SEMA3A: variants seen among roughly 807,000 people sequenced by gnomAD.
SEMA3A encodes semaphorin 3A.
Under a neutral mutation model 97.9 loss-of-function variants are expected in SEMA3A, and 29 were observed. The ratio of observed to expected loss-of-function variants is 0.30; its 90% CI spans 0.22 to 0.40. SEMA3A has a LOEUF of 0.40. Among genes scored for constraint, SEMA3A ranks in the 10% least tolerant of loss-of-function variants. SEMA3A has a pLI of 1.00. For missense variants in SEMA3A, 763 were observed against 951.3 expected (o/e 0.80, Z 2.60); for synonymous variants, 321 against 323.7 (o/e 0.99, Z 0.09).
chr7:84,274,484 G>A (rs1445057517), intron 3 of SEMA3A, among the ~76,000 whole-genome samples: 3 of 152,078 alleles, frequency 2.0e-5, no homozygotes, highest in African/African-American at 4.8e-5. Context: ...AGGCTGAAAG[G>A]GGTTGCCCGG....
chr7:84,454,514 C>T (rs771315066), intron 1 of SEMA3A, among the ~76,000 whole-genome samples: 1 of 152,078 alleles, frequency 6.6e-6, no homozygotes, highest in Non-Finnish European at 1.5e-5. Context: ...GTTACTAAAA[C>T]AGTAACTTTA....
In SEMA3A at chr7:83,984,744, T is replaced by C. The variant is rs149926963; in HGVS notation, c.1494+692A>G. On this transcript the variant is annotated intron_variant, in intron 13 of 16. Transcript: ENST00000265362. ...CATATTACACAGTATTTAGAAGCAA[T>C]TGACTTTTCTGAAGTGTCTTGCCAA... is the stretch of plus-strand genomic sequence containing the variant. 5.2e-3 allele frequency among the ~76,000 whole-genome samples: 785 copies of C among 150,722 alleles called. 7 individuals carry two copies. Among genetic ancestry groups the C allele is most frequent in the African/African-American group, 0.019 (765 of 41,184 alleles).
intron 3 of SEMA3A, among the ~76,000 whole-genome samples, chr7:84,255,528 G>A (rs1454327259): frequency 6.6e-6 from 1 of 152,056 alleles, no homozygotes; most frequent in African/African-American, 2.4e-5. Context: ...TCTGAAACCT[G>A]AAGAATTACT....
At chr7:84,475,032 A>C (rs1806245353) in intron 1 of SEMA3A, among the ~76,000 whole-genome samples, 2 of 152,162 alleles carry the variant, frequency 1.3e-5, no homozygotes, top group Admixed American at 1.3e-4. Flanking sequence ...TTCTTACCTA[A>C]GGCCTCAGAT....
At chr7:84,419,839 C>G (rs1804537331) in intron 1 of SEMA3A, among the ~76,000 whole-genome samples, 1 of 152,122 alleles carries the variant, frequency 6.6e-6, no homozygotes, top group African/African-American at 2.4e-5. Context: ...GCATTGTTAA[C>G]AGCCTGATTA....
At chr7:84,200,558 G>T (rs1783777856) in intron 3 of SEMA3A, among the ~76,000 whole-genome samples, 1 of 152,018 alleles carries the variant, frequency 6.6e-6, no homozygotes, top group South Asian at 2.1e-4. Flanking sequence ...CTAAAATACG[G>T]TTATAGAAAT....
intron 1 of SEMA3A, among the ~76,000 whole-genome samples, chr7:84,428,630 AT>A (rs1207576297): frequency 6.6e-6 from 1 of 151,986 alleles, no homozygotes; most frequent in African/African-American, 2.4e-5. Context: ...ATAATTTAGA[AT>A]TATCTGTGAA....
chr7:84,020,170 C>T (rs1238604274), intron 6 of SEMA3A, among the ~76,000 whole-genome samples: 2 of 149,554 alleles, frequency 1.3e-5, no homozygotes, highest in African/African-American at 4.9e-5. Context: ...CTCAGCCTCC[C>T]AAGTAGTTGG....
chr7:84,444,946 C>T (rs1212320072), intron 1 of SEMA3A, among the ~76,000 whole-genome samples: 1 of 152,112 alleles, frequency 6.6e-6, no homozygotes, highest in African/African-American at 2.4e-5. Context: ...CCAAGCTTCT[C>T]CATAAATTAG....
chr7:84,053,654 A>G (rs1437919981), intron 5 of SEMA3A, among the ~76,000 whole-genome samples: 13 of 149,352 alleles, frequency 8.7e-5, no homozygotes, highest in African/African-American at 2.2e-4. Flanking sequence ...GATGGGTCTT[A>G]ACTCTTTATC....
At chr7:84,474,287 T>C (rs560681526) in intron 1 of SEMA3A, among the ~76,000 whole-genome samples, 2 of 152,330 alleles carry the variant, frequency 1.3e-5, no homozygotes, top group African/African-American at 2.4e-5. Context: ...ACAAGCCTTC[T>C]TGTGTAGTGA....
intron 1 of SEMA3A, among the ~76,000 whole-genome samples, chr7:84,402,188 T>C (rs542343615): frequency 9.2e-5 from 14 of 151,962 alleles, no homozygotes; most frequent in Admixed American, 9.2e-4. Flanking sequence ...AATTTAAAAA[T>C]AAAAAAGGCC....
rs139596437 is a variant in SEMA3A at position 84,090,832 on chromosome 7, C to T, written c.453+19638G>A. ...CTGTAATCCTAGCACTTTGAGAGGC[C>T]GAGGCAGGTGGATCTCTTGAGGCCA... is the stretch of plus-strand genomic sequence containing the variant. On this transcript the variant is annotated intron_variant, in intron 4 of 16. Coordinates refer to ENST00000265362, the MANE Select transcript of SEMA3A (RefSeq NM_006080.3). 3.6e-4 allele frequency among the ~76,000 whole-genome samples: 55 copies of T among 151,398 alleles called. No homozygotes were observed. In the East Asian group the frequency reaches 0.01, roughly 28 times the overall value.
rs534829082 is a variant in SEMA3A, at chr7:84,221,499, A to C, written c.-82-26831T>G. On this transcript the variant is annotated intron_variant, in intron 3 of 3. Transcript: ENST00000424555. ...TTCAACCTGCCTTTGTCACTAAGCAAAATCATTTTCTACCTTTTGATATAA... is the reference window on the plus strand; with the variant it reads ...TTCAACCTGCCTTTGTCACTAAGCACAATCATTTTCTACCTTTTGATATAA... Among the ~76,000 whole-genome samples, 111 of 152,230 alleles carry C rather than the reference A, an allele frequency of 7.3e-4. 1 individual carries two copies. The highest frequency in any genetic ancestry group is 2.5e-3 in the African/African-American group (102 of 41,556).
intron 1 of SEMA3A, among the ~76,000 whole-genome samples, chr7:84,164,221 A>G (rs1044601346): frequency 6.6e-6 from 1 of 152,180 alleles, no homozygotes; most frequent in Non-Finnish European, 1.5e-5. Flanking sequence ...ACTTGAATAA[A>G]TCTTGGGAAC....
In SEMA3A at chr7:83,963,135, G is replaced by GA. The variant is rs1788539043; in HGVS notation, c.1860+69dup. On this transcript the variant is annotated intron_variant, in intron 16 of 16. Transcript: ENST00000265362. The stretch of plus-strand genomic sequence containing the variant: ...CTCAGTGCTTTTTCTTTCCTCAAGT[G>GA]AAAAATACAAGGATTACATTTAACA... 4 of 1,544,650 alleles carry GA rather than the reference G, an allele frequency of 2.6e-6. No homozygotes were observed. In the East Asian group the frequency reaches 9.0e-5, roughly 35 times the overall value.
chr7:84,402,460 G>A lies in SEMA3A; in HGVS notation c.-245-30560C>T, dbSNP rs1803931115. Reference sequence around the variant, plus strand: ...GACATTCCTCAAAAAACTATAATTAGAACTACCATATAATTCATGAATCCC... The same window carrying A: ...GACATTCCTCAAAAAACTATAATTAAAACTACCATATAATTCATGAATCCC... On this transcript the variant is annotated intron_variant, in intron 1 of 3. Coordinates refer to the SEMA3A transcript ENST00000424555. 1.3e-5 allele frequency among the ~76,000 whole-genome samples: 2 copies of A among 152,084 alleles called. 1 individual carries two copies. Among genetic ancestry groups the A allele is most frequent in the Non-Finnish European group, 2.9e-5 (2 of 68,022 alleles).
intron 4 of SEMA3A, among the ~76,000 whole-genome samples, chr7:84,066,892 G>C (rs900129070): frequency 3.3e-5 from 5 of 152,112 alleles, no homozygotes; most frequent in African/African-American, 9.7e-5. Context: ...AGCTACCAAT[G>C]CCTTTCTTCA....
chr7:84,195,023 AAAGAG>A (rs1798179686), upstream of SEMA3A: 9 of 109,566 alleles, frequency 8.2e-5, no homozygotes, highest in Non-Finnish European at 1.4e-4. Context: ...AGAGAGAGAG[AAAGAG>A]AGAGAGAGAG....
Sources: allele counts gnomAD v4.1 joint callset (sites outside exome capture counted in the v4.1 genomes callset), GRCh38; gene constraint gnomAD v4.1.1; transcripts MANE v1.5; gene names NCBI Gene and HGNC (gene_info 2026-07-23, HGNC 2026-07-21).